Variants in FANCB observed in about 807,000 individuals in gnomAD.
The protein encoded by FANCB is Fanconi anemia group B protein.
A neutral mutation model predicts 38.9 loss-of-function variants in FANCB; 5 were observed. That is an observed-to-expected ratio of 0.13 (90% confidence interval 0.07 to 0.27). The LOEUF (loss-of-function observed/expected upper bound fraction) is 0.27. Ranked by LOEUF, FANCB falls within the 10% of genes least tolerant of loss-of-function variation. The pLI, the probability that FANCB is intolerant of heterozygous loss-of-function variation, is 1.00. For missense variants in FANCB, 573 were observed against 602.7 expected, an observed-to-expected ratio of 0.95 and a Z score of 0.52; for synonymous variants, 236 against 215.4, an observed-to-expected ratio of 1.10 and a Z score of -0.84.
chrX:14,815,459 T>A, the FANCB span, among the ~76,000 whole-genome samples: 1 of 111,214 alleles, frequency 9.0e-6, no homozygotes, highest in Non-Finnish European at 1.9e-5. Flanking sequence ...AATCATCAGA[T>A]AAATGCAAAT....
chrX:14,801,392 C>A, the FANCB span, among the ~76,000 whole-genome samples: 1 of 112,014 alleles, frequency 8.9e-6, no homozygotes, highest in Non-Finnish European at 1.9e-5. Flanking sequence ...GGATGTGGCC[C>A]ATCTTCAGCC....
chrX:14,784,449 C>A, the FANCB span, among the ~76,000 whole-genome samples: 1 of 111,839 alleles, frequency 8.9e-6, no homozygotes, highest in Non-Finnish European at 1.9e-5. Context: ...AATCATATCA[C>A]CCCAACCTCT....
chrX:14,733,876 TG>T, the FANCB span, among the ~76,000 whole-genome samples: 1 of 112,166 alleles, frequency 8.9e-6, no homozygotes, highest in African/African-American at 3.2e-5. Context: ...CTTGCCTGAT[TG>T]CCTTGGCCAG....
chrX:14,730,937 CACACACACACACAA>C, the FANCB span: 3 of 90,614 alleles, frequency 3.3e-5, no homozygotes, highest in East Asian at 2.8e-4. Context: ...CACACACACA[CACACACACACACAA>C]ACTTCAAAAA....
At chrX:14,697,153 T>C in the FANCB span, among the ~76,000 whole-genome samples, 1 of 111,591 alleles carries the variant, frequency 9.0e-6, no homozygotes, top group Non-Finnish European at 1.9e-5. Flanking sequence ...CCAGGTACTC[T>C]TCTAGATACT....
chrX:14,837,129 T>C (rs2092343279), intron 10 of FANCB, among the ~76,000 whole-genome samples: 1 of 112,511 alleles, frequency 8.9e-6, no homozygotes, highest in African/African-American at 3.2e-5. Flanking sequence ...AGGCATATCA[T>C]TTGGAATGAT....
downstream of FANCB, chrX:14,834,719 T>A (rs1476493149): frequency 2.7e-6 from 2 of 740,415 alleles, no homozygotes; most frequent in Non-Finnish European, 4.1e-6. Context: ...GTTTTGAGTC[T>A]TTTCCATTCT....
chrX:14,842,580 T>C (rs968655785), downstream of FANCB, among the ~76,000 whole-genome samples: 4 of 112,074 alleles, frequency 3.6e-5, no homozygotes, highest in Admixed American at 3.8e-4. Flanking sequence ...AAAGACTAGC[T>C]TGAATTTTTA....
chrX:14,693,037 T>A, the FANCB span, among the ~76,000 whole-genome samples: 2 of 87,075 alleles, frequency 2.3e-5, no homozygotes, highest in South Asian at 5.0e-4. Context: ...AAACTTAAAG[T>A]ATAATAACAA....
At chrX:14,755,252 G>A in the FANCB span, among the ~76,000 whole-genome samples, 1 of 111,583 alleles carries the variant, frequency 9.0e-6, no homozygotes, top group African/African-American at 3.3e-5. Flanking sequence ...AGACAAAAGT[G>A]TTCATTTTCA....
chrX:14,721,404 CACT>C, the FANCB span, among the ~76,000 whole-genome samples: 3 of 111,381 alleles, frequency 2.7e-5, no homozygotes, highest in Non-Finnish European at 1.9e-5. Context: ...CACAACAAAA[CACT>C]ACATTATACT....
At chrX:14,715,069 A>T in the FANCB span, among the ~76,000 whole-genome samples, 3 of 112,629 alleles carry the variant, frequency 2.7e-5, no homozygotes, top group Non-Finnish European at 5.6e-5. Context: ...ACACATACAT[A>T]AATGAAAAAA....
At chrX:14,765,108 C>T in the FANCB span, among the ~76,000 whole-genome samples, 3 of 111,825 alleles carry the variant, frequency 2.7e-5, no homozygotes, top group East Asian at 2.8e-4. Context: ...AAATTTAACT[C>T]GGCATCCTGA....
chrX:14,693,909 AT>A, the FANCB span, among the ~76,000 whole-genome samples: 1 of 112,230 alleles, frequency 8.9e-6, no homozygotes, highest in Non-Finnish European at 1.9e-5. Context: ...ATCAAAATAT[AT>A]GAACTGAGCT....
chrX:14,707,231 G>A, the FANCB span, among the ~76,000 whole-genome samples: 1 of 111,173 alleles, frequency 9.0e-6, no homozygotes, highest in Admixed American at 9.6e-5. Context: ...ACATGCTTAG[G>A]GCCAGGAGTC....
the FANCB span, among the ~76,000 whole-genome samples, chrX:14,694,741 G>A: frequency 6.7e-4 from 75 of 112,413 alleles, 1 homozygote; most frequent in African/African-American, 2.0e-3. Flanking sequence ...CTTAGAATAC[G>A]TTGCTTCACA....
the FANCB span, among the ~76,000 whole-genome samples, chrX:14,763,638 A>C: frequency 8.9e-6 from 1 of 111,841 alleles, no homozygotes; most frequent in East Asian, 2.8e-4. Flanking sequence ...AAATTTATGC[A>C]GTATTCTGTG....
At chrX:14,791,811 T>C in the FANCB span, among the ~76,000 whole-genome samples, 174 of 112,354 alleles carry the variant, frequency 1.5e-3, 1 homozygote, top group Non-Finnish European at 2.2e-3. Context: ...TCATTATATT[T>C]GAAGCAATGA....
chrX:14,782,007 T>C, the FANCB span, among the ~76,000 whole-genome samples: 1 of 111,668 alleles, frequency 9.0e-6, no homozygotes, highest in Non-Finnish European at 1.9e-5. Flanking sequence ...GTGGACCAAT[T>C]TAGAATGTTT....
Sources: allele counts gnomAD v4.1 joint callset (sites outside exome capture counted in the v4.1 genomes callset), GRCh38; gene constraint gnomAD v4.1.1; transcripts MANE v1.5; gene names NCBI Gene and HGNC (gene_info 2026-07-23, HGNC 2026-07-21).